PLPPR1: variants seen among roughly 807,000 people sequenced by gnomAD.
PLPPR1 encodes the protein phospholipid phosphatase related 1.
PLPPR1 carries 10 observed loss-of-function variants against 33.1 expected under a neutral mutation model. That is an observed-to-expected ratio of 0.30 (90% CI 0.19 to 0.51). The LOEUF (loss-of-function observed/expected upper bound fraction) is 0.51. Among genes scored for constraint, PLPPR1 ranks in the 20% least tolerant of loss-of-function variants. PLPPR1 has a pLI of 0.97. For synonymous variants in PLPPR1, 151 were observed against 151.0 expected (o/e 1.00, Z 0.00); for missense variants, 304 against 408.1 (o/e 0.74, Z 2.20).
chr9:101,137,415 G>A (rs1831389870), intron 1 of PLPPR1, among the ~76,000 whole-genome samples: 1 of 152,196 alleles, frequency 6.6e-6, no homozygotes, highest in African/African-American at 2.4e-5. Flanking sequence ...AGGAATCGAT[G>A]GAAGAAGGAA....
At chr9:101,113,118 C>G (rs1831076851) in intron 1 of PLPPR1, among the ~76,000 whole-genome samples, 1 of 152,012 alleles carries the variant, frequency 6.6e-6, no homozygotes, top group African/African-American at 2.4e-5. Context: ...CATTCAAGTT[C>G]AGGAGGTCAT....
At chr9:101,045,374 T>C (rs73656427) in intron 1 of PLPPR1, among the ~76,000 whole-genome samples, 26 of 152,324 alleles carry the variant, frequency 1.7e-4, no homozygotes, top group African/African-American at 5.3e-4. Flanking sequence ...ATGTATTAAA[T>C]ATTTGTGGAA....
chr9:101,176,722 C>T (rs1045015783), intron 1 of PLPPR1, among the ~76,000 whole-genome samples: 5 of 152,192 alleles, frequency 3.3e-5, no homozygotes. Flanking sequence ...GACATTCCGC[C>T]TCTACCCACT....
intron 1 of PLPPR1, among the ~76,000 whole-genome samples, chr9:101,078,140 GAAGAAGAAGA>G (rs1830565673): frequency 1.1e-4 from 2 of 18,466 alleles, no homozygotes; most frequent in Non-Finnish European, 2.1e-4. Context: ...AGAAGAAGAA[GAAGAAGAAGA>G]AGAAGAAGAA....
rs193015741 is a variant in PLPPR1 at position 101,300,336 on chromosome 9, G to C, written c.386-8875G>C. On this transcript the variant is annotated intron_variant, in intron 4 of 7. Coordinates refer to ENST00000374874, the MANE Select transcript of PLPPR1 (RefSeq NM_207299.2). ...GCACAGGCACACACCACCACACCCAGCTAATTTTAAATTATTATTATTTGC... is the reference window on the plus strand; with the variant it reads ...GCACAGGCACACACCACCACACCCACCTAATTTTAAATTATTATTATTTGC... 2.6e-3 allele frequency among the ~76,000 whole-genome samples: 401 copies of C among 152,100 alleles called. 1 individual carries two copies. Among genetic ancestry groups the C allele is most frequent in the Non-Finnish European group, 4.4e-3 (301 of 67,996 alleles).
intron 2 of PLPPR1, among the ~76,000 whole-genome samples, chr9:101,240,708 A>T (rs1827446833): frequency 6.6e-6 from 1 of 152,080 alleles, no homozygotes; most frequent in Non-Finnish European, 1.5e-5. Flanking sequence ...AAGCAGTGTC[A>T]GACGAGGATT....
chr9:101,082,254 C>A (rs961050994), intron 1 of PLPPR1, among the ~76,000 whole-genome samples: 1 of 152,112 alleles, frequency 6.6e-6, no homozygotes, highest in Non-Finnish European at 1.5e-5. Flanking sequence ...ATTACAGTCC[C>A]TAGGTTTACT....
At chr9:101,196,059 A>G (rs1400182157) in intron 2 of PLPPR1, among the ~76,000 whole-genome samples, 1 of 152,178 alleles carries the variant, frequency 6.6e-6, no homozygotes, top group Non-Finnish European at 1.5e-5. Flanking sequence ...TTGCTTTGTG[A>G]TGCATTTTTC....
At chr9:101,173,126 T>C (rs1186756246) in intron 1 of PLPPR1, among the ~76,000 whole-genome samples, 1 of 152,140 alleles carries the variant, frequency 6.6e-6, no homozygotes, top group Non-Finnish European at 1.5e-5. Context: ...TTTTATTTCA[T>C]GGCAAAGTGA....
chr9:101,175,916 T>C (rs1464381653), intron 1 of PLPPR1, among the ~76,000 whole-genome samples: 1 of 152,062 alleles, frequency 6.6e-6, no homozygotes, highest in Non-Finnish European at 1.5e-5. Context: ...CTTGGATGCT[T>C]TATATAAAAG....
chr9:101,227,192 A>G (rs971670698), intron 2 of PLPPR1, among the ~76,000 whole-genome samples: 1 of 152,160 alleles, frequency 6.6e-6, no homozygotes, highest in African/African-American at 2.4e-5. Context: ...CCCAATAATC[A>G]CGACTGGGAA....
intron 2 of PLPPR1, among the ~76,000 whole-genome samples, chr9:101,215,943 A>G (rs1195906583): frequency 2.0e-5 from 3 of 152,200 alleles, no homozygotes; most frequent in Non-Finnish European, 4.4e-5. Flanking sequence ...TAGTGCTGCA[A>G]TGAACATAGG....
At chr9:101,238,355 A>ATC in intron 2 of PLPPR1, among the ~76,000 whole-genome samples, 1 of 142,750 alleles carries the variant, frequency 7.0e-6, no homozygotes, top group Non-Finnish European at 1.5e-5. Context: ...AGAGGTGTAT[A>ATC]TATATATATG....
chr9:101,252,267 C>G (rs901314245), intron 2 of PLPPR1, among the ~76,000 whole-genome samples: 1 of 152,106 alleles, frequency 6.6e-6, no homozygotes. Flanking sequence ...TAGAACATTT[C>G]CATAAATGCA....
intron 1 of PLPPR1, among the ~76,000 whole-genome samples, chr9:101,115,670 T>C (rs2118584259): frequency 6.6e-6 from 1 of 152,346 alleles, no homozygotes; most frequent in African/African-American, 2.4e-5. Context: ...CCATATGGCA[T>C]GTGTGTATTA....
At chr9:101,292,164 C>T (rs148506324) in intron 4 of PLPPR1, among the ~76,000 whole-genome samples, 2,916 of 151,796 alleles carry the variant, frequency 0.019, 74 homozygotes, top group African/African-American at 0.056. Flanking sequence ...CAGGAGCCGA[C>T]GCAATCAACT....
At chr9:101,091,102 G>A (rs906066664) in intron 1 of PLPPR1, among the ~76,000 whole-genome samples, 1 of 151,944 alleles carries the variant, frequency 6.6e-6, no homozygotes, top group African/African-American at 2.4e-5. Flanking sequence ...GCATGTACCT[G>A]ACATCAGTAT....
At chr9:101,292,929 G>A (rs1005144713) in intron 4 of PLPPR1, among the ~76,000 whole-genome samples, 3 of 151,828 alleles carry the variant, frequency 2.0e-5, no homozygotes, top group African/African-American at 7.3e-5. Context: ...ACATCATAAT[G>A]ACAGGATCAA....
chr9:101,296,134 C>A (rs888618943), intron 4 of PLPPR1, among the ~76,000 whole-genome samples: 6 of 151,874 alleles, frequency 4.0e-5, no homozygotes, highest in Non-Finnish European at 8.8e-5. Context: ...AAAAAGTAGG[C>A]GAAGGACATG....
Sources: allele counts gnomAD v4.1 joint callset (sites outside exome capture counted in the v4.1 genomes callset), GRCh38; gene constraint gnomAD v4.1.1; transcripts MANE v1.5; gene names NCBI Gene and HGNC (gene_info 2026-07-23, HGNC 2026-07-21).